The following TRIM10 variants were observed in gnomAD, a reference collection of about 807,000 sequenced individuals.
The protein encoded by TRIM10 is tripartite motif containing 10, also known as tripartite motif-containing protein 10.
A neutral mutation model predicts 40.0 loss-of-function variants in TRIM10; 42 were observed. The ratio of observed to expected loss-of-function variants is 1.05; its 90% CI spans 0.82 to 1.36. The LOEUF is 1.36. TRIM10 is among the 40% of genes most tolerant of loss of function. The probability of loss-of-function intolerance (pLI) is 0.00; values close to 1 mark genes in which losing one functional copy is unlikely to be tolerated. For synonymous variants in TRIM10, 260 were observed against 239.5 expected, an observed-to-expected ratio of 1.09 and a Z score of -0.79; for missense variants, 601 against 608.3, an observed-to-expected ratio of 0.99 and a Z score of 0.13.
rs191901085 is a variant in TRIM10, at chr6:30,160,746, G to C, written c.113C>G (p.Ala38Gly). ...TATCTCACAGTAGCGGGTAAGGCAGGCCCGGCAGAAGTTGTGGCCGCAGTC... is the reference window on the plus strand; with the variant it reads ...TATCTCACAGTAGCGGGTAAGGCAGCCCCGGCAGAAGTTGTGGCCGCAGTC... ...TIDCGHNFCR[A>G]CLTRYCEIPG... is the part of the protein sequence containing the mutation. The change falls in exon 1 of 7, where the codon GCC (alanine) becomes GGC (glycine). Residue 38 changes from alanine to glycine, a missense_variant. Coordinates refer to ENST00000449742, the MANE Select transcript of TRIM10 (RefSeq NM_006778.4). 1 of 1,614,194 alleles carries C rather than the reference G, an allele frequency of 6.2e-7. No individual in the cohort carries two copies. The highest frequency in any genetic ancestry group is 2.2e-5 in the East Asian group (1 of 44,882).
chr6:30,163,967 G>A (rs1178596854), upstream of TRIM10: 5 of 1,613,016 alleles, frequency 3.1e-6, no homozygotes, highest in African/African-American at 2.7e-5. Context: ...CTTCTTCTGC[G>A]AGAACGATGC....
intron 5 of TRIM10, among the ~76,000 whole-genome samples, chr6:30,156,279 A>G (rs536900330): frequency 6.6e-6 from 1 of 152,294 alleles, no homozygotes; most frequent in South Asian, 2.1e-4. Flanking sequence ...TTATGGGAAA[A>G]GTCCTTCTAG....
At position 30,160,512 on chromosome 6, in the gene TRIM10, TGCATCTCATCA is replaced by T; in HGVS notation, c.336_346del (p.Asp112GlufsTer28). ...AGCCTCCCGGCACACCACGCACAAC[TGCATCTCATCA>T]TCCTCACAGAAGAAGTAGATCTTCT... On this transcript the variant is annotated frameshift_variant, in exon 1 of 7. Transcript: ENST00000449742. LOFTEE classifies it high-confidence loss of function. 1.2e-6 allele frequency: 2 copies of T among 1,614,192 alleles called. No homozygotes were observed. Among genetic ancestry groups the T allele is most frequent in the Middle Eastern group, 3.3e-4 (2 of 6,062 alleles).
intron 3 of TRIM10, 79 bp downstream of exon 3, chr6:30,158,320 G>C (rs1468323511): frequency 8.2e-7 from 1 of 1,219,820 alleles, no homozygotes; most frequent in East Asian, 2.3e-5. Context: ...GTGAGTCAGG[G>C]AGACATGGCT....
In TRIM10 at chr6:30,155,063, A is replaced by G. The variant is rs148828633; in HGVS notation, c.929-577T>C. 4.3e-3 allele frequency among the ~76,000 whole-genome samples: 648 copies of G among 152,274 alleles called. 2 individuals are homozygous for G. The highest frequency in any genetic ancestry group is 0.011 in the African/African-American group (454 of 41,548). On this transcript the variant is annotated intron_variant, in intron 6 of 6. Transcript: ENST00000449742. Reference sequence around the variant, plus strand: ...GTCTGAGGACCACTTTTTACCACCAAAAACTGCTGCAGAGCCTTGCGTTTT... The same window carrying G: ...GTCTGAGGACCACTTTTTACCACCAGAAACTGCTGCAGAGCCTTGCGTTTT...
chr6:30,160,957 C>A lies in TRIM10; in HGVS notation c.-99G>T. On this transcript the variant is annotated 5_prime_UTR_variant, in exon 1 of 7. Transcript: ENST00000449742. ...CTCACACACCCACACATGCACATGGCTGGACACAGGCACATACTAAATATG... is the reference window on the plus strand; with the variant it reads ...CTCACACACCCACACATGCACATGGATGGACACAGGCACATACTAAATATG... The A allele has an allele frequency of 8.3e-7, 1 of 1,209,834 alleles. No individual in the cohort carries two copies. The highest frequency in any genetic ancestry group is 1.1e-6 in the Non-Finnish European group (1 of 885,014). The allele number at this position is 1,209,834 out of a possible 1,614,324, so 74.9% of individuals were successfully genotyped here.
chr6:30,163,270 G>C (rs1406240430), upstream of TRIM10: 1 of 198,830 alleles, frequency 5.0e-6, no homozygotes, highest in Non-Finnish European at 1.0e-5. Context: ...CAATCTGACA[G>C]GAAGCTTCTG....
chr6:30,163,806 C>T (rs1193495112), upstream of TRIM10: 1 of 1,612,992 alleles, frequency 6.2e-7, no homozygotes, highest in Non-Finnish European at 8.5e-7. Flanking sequence ...CTCTGCCTCC[C>T]CGCGCTCTCC....
chr6:30,153,981 G>C lies in TRIM10; in HGVS notation c.1434C>G (p.Ser478=). The C allele has an allele frequency of 1.9e-6, 3 of 1,600,806 alleles. No homozygotes were observed. In the African/African-American group the frequency reaches 4.0e-5, roughly 21 times the overall value. The change falls in exon 7 of 7, where the codon TCC becomes TCG. Residue 478 remains serine, a synonymous_variant. Transcript: ENST00000449742. ...FGLWGRGSSF[S]LSS The stretch of plus-strand genomic sequence containing the variant: ...TAACTGCTCCTTCTCAGGAGCTCAG[G>C]GAGAAACTGGACCCTCGGCCCCAGA...
chr6:30,158,748 C>A, intron 2 of TRIM10, 119 bp from the exon 3 acceptor site: 1 of 825,928 alleles, frequency 1.2e-6, no homozygotes, highest in South Asian at 1.6e-5. Context: ...TTTCACTTGT[C>A]ATCCCATTTC....
In TRIM10 at chr6:30,160,953, A is replaced by C. The variant is rs916918113; in HGVS notation, c.-95T>G. The stretch of plus-strand genomic sequence containing the variant: ...CACACTCACACACCCACACATGCAC[A>C]TGGCTGGACACAGGCACATACTAAA... On this transcript the variant is annotated 5_prime_UTR_variant, in exon 1 of 7. It removes an upstream start codon present in the reference 5' UTR. Coordinates refer to ENST00000449742, the MANE Select transcript of TRIM10 (RefSeq NM_006778.4). The C allele has an allele frequency of 7.3e-6, 9 of 1,237,876 alleles. No homozygotes were observed. In the East Asian group the frequency reaches 1.5e-4, roughly 21 times the overall value. 76.7% of individuals were successfully genotyped at this position (1,237,876 alleles called of 1,614,324 possible). A position where few individuals can be genotyped will look rare whatever the true frequency, so the allele number is the denominator to read the frequency against.
At chr6:30,159,284 G>T in intron 1 of TRIM10, 39 bp from the exon 2 acceptor site, 2 of 1,454,230 alleles carry the variant, frequency 1.4e-6, no homozygotes, top group Non-Finnish European at 9.6e-7. Context: ...GATGGAAAAT[G>T]ATTTGTTCAG....
At position 30,153,243 on chromosome 6, in the gene TRIM10, T is replaced by A. The variant is rs1353767755; in HGVS notation, c.*726A>T. ...TCTCTGCTGTTTCCTCTTCTTAAGA[T>A]GCTTCTTCCCCTCTTTTCCCTATTG... On this transcript the variant is annotated 3_prime_UTR_variant, in exon 7 of 7. Coordinates refer to ENST00000449742, the MANE Select transcript of TRIM10 (RefSeq NM_006778.4). 1 of 163,248 alleles carries A rather than the reference T, an allele frequency of 6.1e-6. No homozygotes were observed. The highest frequency in any genetic ancestry group is 1.3e-5 in the Non-Finnish European group (1 of 74,286). The allele number at this position is 163,248 out of a possible 1,614,324, so 10.1% of individuals were successfully genotyped here. A position where few individuals can be genotyped will look rare whatever the true frequency, so the allele number is the denominator to read the frequency against.
chr6:30,153,875 A>C lies in TRIM10; in HGVS notation c.*94T>G. The C allele has an allele frequency of 6.3e-7, 1 of 1,594,816 alleles. No individual in the cohort carries two copies. Among genetic ancestry groups the C allele is most frequent in the Non-Finnish European group, 8.6e-7 (1 of 1,168,556 alleles). On this transcript the variant is annotated 3_prime_UTR_variant, in exon 7 of 7. Transcript: ENST00000449742. ...TTCTAAAGCAGTCATTTCTATTCCA[A>C]GTCATCCAGGTGATTCAGCCAGGGA...
At position 30,158,610 on chromosome 6, in the gene TRIM10, C is replaced by T. The variant is rs138874445; in HGVS notation, c.545G>A (p.Arg182Lys). 1.9e-6 allele frequency: 3 copies of T among 1,612,958 alleles called. No individual in the cohort carries two copies. In the African/African-American group the frequency reaches 4.0e-5, roughly 22 times the overall value. The change falls in exon 3 of 7, where the codon AGA (arginine) becomes AAA (lysine). Residue 182 changes from arginine to lysine, a missense_variant. Arg to Lys is a conservative substitution (Grantham distance 26). Coordinates refer to ENST00000449742, the MANE Select transcript of TRIM10 (RefSeq NM_006778.4). ...QVLLTQVSTKRQQVISEFAHL... is the reference protein window; with the variant it reads ...QVLLTQVSTKKQQVISEFAHL... Reference sequence around the variant, plus strand: ...TGCGAACTCAGAAATCACCTGTTGTCTCTTGGTGGACACCTGAGTCTGAGG... The same window carrying T: ...TGCGAACTCAGAAATCACCTGTTGTTTCTTGGTGGACACCTGAGTCTGAGG...
At chr6:30,158,691 T>C in intron 2 of TRIM10, 62 bp from the exon 3 acceptor site, 1 of 1,320,806 alleles carries the variant, frequency 7.6e-7, no homozygotes, top group South Asian at 1.2e-5. Context: ...TCTGCTCCTC[T>C]TCCTCCCCTG....
chr6:30,154,405 T>C lies in TRIM10; in HGVS notation c.1010A>G (p.Lys337Arg). 1 of 1,612,874 alleles carries C rather than the reference T, an allele frequency of 6.2e-7. No homozygotes were observed. Among genetic ancestry groups the C allele is most frequent in the East Asian group, 2.2e-5 (1 of 44,866 alleles). The change falls in exon 7 of 7, where the codon AAA becomes AGA. Residue 337 changes from lysine (K) to arginine (R), a missense_variant. Transcript: ENST00000449742. ...EDHQRAQFSY[K>R]WQNSPDNPQR... ...GGGGTTGTCTGGTGAGTTCTGCCAT[T>C]TGTAGGAGAACTGAGCTCGCTGGTG...
At chr6:30,158,118 A>G (rs750073235) in intron 3 of TRIM10, among the ~76,000 whole-genome samples, 2 of 152,228 alleles carry the variant, frequency 1.3e-5, no homozygotes, top group South Asian at 2.1e-4. Context: ...TTTCACTTCC[A>G]TCTTACTGTT....
Position 30,158,398 on chromosome 6 carries a change from C to T in TRIM10, c.756+1G>A. On this transcript the variant is annotated splice_donor_variant, in intron 3 of 6. Coordinates refer to ENST00000449742, the MANE Select transcript of TRIM10 (RefSeq NM_006778.4). LOFTEE classifies it high-confidence loss of function. ...GGGCAGGGTTCCGGTTCAGGCCTCA[C>T]CGTCAGGAGCTCCCTTGCTGGCCTC... 2 of 1,612,782 alleles carry T rather than the reference C, an allele frequency of 1.2e-6. No homozygotes were observed. The highest frequency in any genetic ancestry group is 1.1e-5 in the South Asian group (1 of 91,076).
Sources: allele counts gnomAD v4.1 joint callset (sites outside exome capture counted in the v4.1 genomes callset), GRCh38; gene constraint gnomAD v4.1.1; transcripts MANE v1.5; gene names NCBI Gene and HGNC (gene_info 2026-07-23, HGNC 2026-07-21).